ARSH: variants seen among roughly 807,000 people sequenced by gnomAD.
ARSH encodes arylsulfatase H.
Under a neutral mutation model 28.7 loss-of-function variants are expected in ARSH, and 32 were observed. That is an observed-to-expected ratio of 1.11 (90% CI 0.84 to 1.50). ARSH has a LOEUF of 1.50. Among genes scored for constraint, ARSH ranks in the 40% most tolerant of loss-of-function variants. The pLI, the probability that ARSH is intolerant of heterozygous loss-of-function variation, is 0.00. For synonymous variants in ARSH, 176 were observed against 177.3 expected (o/e 0.99, Z 0.06); for missense variants, 440 against 452.4 (o/e 0.97, Z 0.25).
chrX:3,033,085 T>A lies in ARSH; in HGVS notation c.1389T>A (p.Tyr463Ter). The change falls in exon 9 of 9, where the codon TAT (tyrosine) becomes TAA (stop). Residue 463 changes from tyrosine (Y) to a stop codon, truncating the protein, a stop_gained. Coordinates refer to ENST00000381130, the MANE Select transcript of ARSH (RefSeq NM_001011719.2). LOFTEE classifies it low-confidence loss of function (END_TRUNC). ...ACCCTGAAGGAACAGGTGCCTGCTA[T>A]GGGAGTGGAATATGTTCATGTTCGG... ...KFYPEGTGACYGSGICSCSGD... is the reference protein window; with the variant it reads ...KFYPEGTGAC 4.1e-6 allele frequency: 5 copies of A among 1,211,476 alleles called. No homozygotes were observed. Among genetic ancestry groups the A allele is most frequent in the Non-Finnish European group, 5.6e-6 (5 of 895,375 alleles).
At position 3,032,307 on chromosome X, in the gene ARSH, T is replaced by C. The variant is rs768062018; in HGVS notation, c.1322-711T>C. 3.0e-5 allele frequency among the ~76,000 whole-genome samples: 3 copies of C among 100,970 alleles called. No individual in the cohort carries two copies. The South Asian group carries it at 1.3e-3, about 44-fold the overall frequency. The allele number at this position is 100,970 out of a possible 115,157, so 87.7% of individuals were successfully genotyped here. A position where few individuals can be genotyped will look rare whatever the true frequency, so the allele number is the denominator to read the frequency against. On this transcript the variant is annotated intron_variant, in intron 8 of 8. Transcript: ENST00000381130. ...TCAAAATAAATAAATAAGTAAATAA[T>C]AAAAAATGAAAAATAAAATTGATCT... is the stretch of plus-strand genomic sequence containing the variant.
chrX:3,025,418 A>C (rs921069803), intron 6 of ARSH, among the ~76,000 whole-genome samples: 4 of 105,710 alleles, frequency 3.8e-5, no homozygotes, highest in Non-Finnish European at 7.7e-5. Context: ...TATATTTACT[A>C]TGTCTATAGT....
intron 5 of ARSH, among the ~76,000 whole-genome samples, chrX:3,021,707 C>CTT (rs3032483): frequency 0.14 from 12,703 of 90,185 alleles, 898 homozygotes; most frequent in African/African-American, 0.23. Context: ...ACTTTTAGTC[C>CTT]TTTTTTTTTT....
At chrX:3,027,271 G>GT in intron 6 of ARSH, 42 bp from the exon 7 acceptor site, 1 of 1,201,548 alleles carries the variant, frequency 8.3e-7, no homozygotes, top group Non-Finnish European at 1.1e-6. Flanking sequence ...ATATGGTTGG[G>GT]TTTTAACTCA....
intron 2 of ARSH, among the ~76,000 whole-genome samples, 163 bp downstream of exon 2, chrX:3,010,314 C>G (rs1296623826): frequency 8.9e-6 from 1 of 112,042 alleles, no homozygotes; most frequent in Non-Finnish European, 1.9e-5. Flanking sequence ...ATGTGTGCCT[C>G]TCACCAGGTA....
intron 5 of ARSH, among the ~76,000 whole-genome samples, chrX:3,023,393 A>G (rs2089889772): frequency 9.5e-6 from 1 of 105,179 alleles, no homozygotes; most frequent in South Asian, 4.1e-4. Context: ...TTCCTATGTC[A>G]ATAAACATAT....
chrX:3,018,785 A>G, intron 5 of ARSH, 115 bp downstream of exon 5: 6 of 784,840 alleles, frequency 7.6e-6, no homozygotes, highest in South Asian at 3.6e-5. Context: ...ATACCTGAAA[A>G]GTATCTGTTT....
rs761438928 is a variant in ARSH, at chrX:3,024,562, A to G, written c.1036+407A>G. Among the ~76,000 whole-genome samples the G allele has an allele frequency of 2.7e-5, 3 of 111,207 alleles. No individual in the cohort carries two copies. The South Asian group carries it at 1.2e-3, about 43-fold the overall frequency. ...GCAACAACCAGAAATGTCTCCTGAT[A>G]TTGCCCAGTGTCCCCTGGGGACAAG... On this transcript the variant is annotated intron_variant, in intron 6 of 8. Coordinates refer to ENST00000381130, the MANE Select transcript of ARSH (RefSeq NM_001011719.2).
intron 5 of ARSH, 64 bp from the exon 6 acceptor site, chrX:3,023,957 T>A: frequency 8.6e-7 from 1 of 1,164,290 alleles, no homozygotes; most frequent in Non-Finnish European, 1.2e-6. Context: ...GTAGCAGATA[T>A]GTAATAAAGC....
chrX:3,018,716 C>T (rs750472292), intron 5 of ARSH, 46 bp downstream of exon 5: 1 of 1,179,829 alleles, frequency 8.5e-7, no homozygotes, highest in Non-Finnish European at 1.1e-6. Context: ...GTACGGGCTA[C>T]AGAAAAACAA....
At chrX:3,009,734 T>C (rs141280895) in intron 1 of ARSH, among the ~76,000 whole-genome samples, 4 of 111,352 alleles carry the variant, frequency 3.6e-5, no homozygotes, top group Non-Finnish European at 5.7e-5. Context: ...TAAGAAGAAA[T>C]TGGCTAATTT....
intron 3 of ARSH, among the ~76,000 whole-genome samples, chrX:3,014,417 G>A (rs1204476111): frequency 1.8e-5 from 2 of 111,557 alleles, no homozygotes; most frequent in Non-Finnish European, 3.8e-5. Context: ...TATCAGAATC[G>A]TTTGGTTCTT....
intron 5 of ARSH, among the ~76,000 whole-genome samples, chrX:3,021,371 C>T (rs1453365256): frequency 1.8e-5 from 2 of 111,767 alleles, no homozygotes; most frequent in Non-Finnish European, 3.8e-5. Context: ...TTATTTGACA[C>T]AGGAGAAATG....
rs761653189 is a variant in ARSH at position 3,006,710 on chromosome X, G to T, written c.92+6G>T. On this transcript the variant is annotated splice_donor_region_variant and intron_variant, in intron 1 of 8. Transcript: ENST00000381130. ...TACGGTAATAACTCAGTGAGGTAAA[G>T]ATGGACTCTGACCCCCTCCCTGTAT... 1.7e-6 allele frequency: 2 copies of T among 1,188,970 alleles called. No homozygotes were observed. The highest frequency in any genetic ancestry group is 3.6e-5 in the South Asian group (2 of 55,856).
At position 3,006,578 on chromosome X, in the gene ARSH, T is replaced by C. The variant is rs372910005; in HGVS notation, c.-35T>C. ...AGGAGCTGCTGGCTGTCAGTGTCCC[T>C]GTGCTGTTTGTTTTGCGGTGTTGAT... On this transcript the variant is annotated 5_prime_UTR_variant, in exon 1 of 9. Transcript: ENST00000381130. 3 of 1,137,422 alleles carry C rather than the reference T, an allele frequency of 2.6e-6. No homozygotes were observed. The highest frequency in any genetic ancestry group is 3.6e-5 in the African/African-American group (2 of 55,906). The allele number at this position is 1,137,422 out of a possible 1,213,427, so 93.7% of individuals were successfully genotyped here.
At chrX:3,015,458 TCACACCTTGATAA>T in intron 4 of ARSH, 65 bp downstream of exon 4, 1 of 1,055,323 alleles carries the variant, frequency 9.5e-7, no homozygotes, top group South Asian at 2.3e-5. Flanking sequence ...TAGGAGGTCA[TCACACCTTGATAA>T]CATGGGCCTT....
chrX:3,019,920 T>C (rs2089876928), intron 5 of ARSH, among the ~76,000 whole-genome samples: 1 of 110,612 alleles, frequency 9.0e-6, no homozygotes, highest in South Asian at 3.8e-4. Flanking sequence ...ATTTCCACTA[T>C]GTGTGTTTAC....
intron 8 of ARSH, among the ~76,000 whole-genome samples, chrX:3,029,821 G>A (rs1488457650): frequency 5.4e-5 from 6 of 111,726 alleles, no homozygotes; most frequent in African/African-American, 9.7e-5. Flanking sequence ...GTGAGCCACC[G>A]TGCCTGGCCT....
intron 8 of ARSH, among the ~76,000 whole-genome samples, chrX:3,031,486 A>C (rs964891953): frequency 2.7e-5 from 3 of 111,869 alleles, no homozygotes; most frequent in Non-Finnish European, 5.6e-5. Context: ...GGTCTTTTGG[A>C]GTCATTGCAT....
Sources: gnomAD v4.1 joint callset for allele counts (sites outside exome capture counted in the v4.1 genomes callset) on GRCh38, gnomAD v4.1.1 for gene constraint, MANE v1.5 for transcripts, NCBI Gene and HGNC (gene_info 2026-07-23, HGNC 2026-07-21) for gene names.